PLEKHA8: variants seen among roughly 807,000 people sequenced by gnomAD.
PLEKHA8 encodes the protein pleckstrin homology domain containing A8, also known as pleckstrin homology domain-containing family A member 8.
PLEKHA8 carries 36 observed loss-of-function variants against 68.2 expected under a neutral mutation model. The ratio of observed to expected loss-of-function variants is 0.53; its 90% CI spans 0.40 to 0.70. PLEKHA8 has a LOEUF of 0.70. PLEKHA8 is among the 30% of genes least tolerant of loss of function. The pLI, the probability that PLEKHA8 is intolerant of heterozygous loss-of-function variation, is 0.00. For synonymous variants in PLEKHA8, 211 were observed against 216.1 expected (o/e 0.98, Z 0.20); for missense variants, 505 against 615.4 (o/e 0.82, Z 1.90).
intron 13 of PLEKHA8, among the ~76,000 whole-genome samples, chr7:30,109,096 G>A (rs1165656243): frequency 3.9e-5 from 6 of 152,244 alleles, no homozygotes; most frequent in East Asian, 1.9e-4. Flanking sequence ...TTTATATACC[G>A]TTAGTCATCT....
intron 13 of PLEKHA8, among the ~76,000 whole-genome samples, chr7:30,115,633 C>A (rs1055145120): frequency 6.6e-6 from 1 of 151,496 alleles, no homozygotes; most frequent in Non-Finnish European, 1.5e-5. Context: ...TACATGTACA[C>A]ATACATGCAC....
At position 30,082,266 on chromosome 7, in the gene PLEKHA8, C is replaced by T. The variant is rs576185639; in HGVS notation, c.*3479C>T. 1 of 985,358 alleles carries T rather than the reference C, an allele frequency of 1.0e-6. No individual in the cohort carries two copies. The highest frequency in any genetic ancestry group is 1.7e-5 in the African/African-American group (1 of 57,230). 61.0% of individuals were successfully genotyped at this position (985,358 alleles called of 1,614,324 possible). A position where few individuals can be genotyped will look rare whatever the true frequency, so the allele number is the denominator to read the frequency against. The stretch of plus-strand genomic sequence containing the variant: ...TCCATAGTCCAGCGTTGTTGCTTTT[C>T]TCTCTTCTTTGCTACTGAAAATTGC... On this transcript the variant is annotated 3_prime_UTR_variant, in exon 14 of 14. Coordinates refer to ENST00000449726, the MANE Select transcript of PLEKHA8 (RefSeq NM_001197026.2).
chr7:30,036,114 G>A (rs751421736), intron 1 of PLEKHA8, among the ~76,000 whole-genome samples: 17 of 151,968 alleles, frequency 1.1e-4, no homozygotes, highest in Non-Finnish European at 2.2e-4. Flanking sequence ...AAATTAGCTG[G>A]GCGTGATGGC....
intron 9 of PLEKHA8, among the ~76,000 whole-genome samples, chr7:30,057,578 C>T (rs979212357): frequency 6.6e-6 from 1 of 152,008 alleles, no homozygotes; most frequent in Non-Finnish European, 1.5e-5. Flanking sequence ...CTGCCCCAGC[C>T]TCCCAAGTAG....
chr7:30,117,905 G>T (rs1796618419), intron 13 of PLEKHA8: 3 of 1,115,310 alleles, frequency 2.7e-6, no homozygotes, highest in South Asian at 2.8e-5. Flanking sequence ...AGATTGCCAA[G>T]ACTTTATTCA....
At chr7:30,062,780 A>T in intron 12 of PLEKHA8, 38 bp downstream of exon 12, 1 of 1,514,758 alleles carries the variant, frequency 6.6e-7, no homozygotes, top group Non-Finnish European at 9.2e-7. Flanking sequence ...GAGTCAATAG[A>T]CTGTGGAATG....
At chr7:30,091,014 A>T (rs910992747), downstream of PLEKHA8, among the ~76,000 whole-genome samples, 62 of 152,254 alleles carry the variant, frequency 4.1e-4, 1 homozygote, top group African/African-American at 1.3e-3. Context: ...ATCTTTAAAA[A>T]TTAGCCAGGC....
At chr7:30,110,524 G>A (rs771440651) in intron 13 of PLEKHA8, among the ~76,000 whole-genome samples, 3 of 152,096 alleles carry the variant, frequency 2.0e-5, no homozygotes, top group Non-Finnish European at 4.4e-5. Flanking sequence ...ATTTCTCTTG[G>A]TATGTACCTA....
downstream of PLEKHA8, among the ~76,000 whole-genome samples, chr7:30,087,897 G>GT (rs1444216358): frequency 6.6e-6 from 1 of 152,192 alleles, no homozygotes; most frequent in Non-Finnish European, 1.5e-5. Flanking sequence ...TGACTCCAAG[G>GT]TAACTGGACT....
At chr7:30,070,430 G>A (rs1395171088) in intron 12 of PLEKHA8, among the ~76,000 whole-genome samples, 2 of 152,018 alleles carry the variant, frequency 1.3e-5, no homozygotes, top group Non-Finnish European at 2.9e-5. Context: ...TCTTTTTGCT[G>A]TCTTTTAGAA....
At chr7:30,054,410 A>C (rs1583818930) in intron 7 of PLEKHA8, among the ~76,000 whole-genome samples, 1 of 152,200 alleles carries the variant, frequency 6.6e-6, no homozygotes, top group South Asian at 2.1e-4. Flanking sequence ...GAAGCTACCT[A>C]AGTGCCCCTC....
intron 3 of PLEKHA8, among the ~76,000 whole-genome samples, 187 bp downstream of exon 3, chr7:30,046,552 C>T (rs1200010032): frequency 1.3e-5 from 2 of 152,190 alleles, no homozygotes; most frequent in Non-Finnish European, 2.9e-5. Context: ...TAGCATAGTG[C>T]AAAGAATGCA....
chr7:30,058,770 T>G (rs1458334279), intron 9 of PLEKHA8, among the ~76,000 whole-genome samples: 6 of 152,232 alleles, frequency 3.9e-5, no homozygotes, highest in Admixed American at 3.9e-4. Flanking sequence ...TTAAAAGCTT[T>G]TTAGGATTTT....
rs1562539183 is a variant in PLEKHA8, at chr7:30,082,777, G to A, written c.*3990G>A. 4 of 984,984 alleles carry A rather than the reference G, an allele frequency of 4.1e-6. No individual in the cohort carries two copies. The highest frequency in any genetic ancestry group is 4.8e-6 in the Non-Finnish European group (4 of 829,768). 61.0% of individuals were successfully genotyped at this position (984,984 alleles called of 1,614,324 possible). A position where few individuals can be genotyped will look rare whatever the true frequency, so the allele number is the denominator to read the frequency against. On this transcript the variant is annotated 3_prime_UTR_variant, in exon 14 of 14. Transcript: ENST00000449726. The stretch of plus-strand genomic sequence containing the variant: ...TTTTTTAAGGAAACTTAATCTGATT[G>A]TGAAAATCATACATATGGAGAAACA...
chr7:30,034,876 TTTTTC>T (rs973270287), intron 1 of PLEKHA8, among the ~76,000 whole-genome samples: 12 of 152,204 alleles, frequency 7.9e-5, no homozygotes, highest in African/African-American at 1.9e-4. Context: ...ATTTATCAAT[TTTTTC>T]TTTTCTTGTT....
chr7:30,112,324 A>G (rs924835035), intron 13 of PLEKHA8, among the ~76,000 whole-genome samples: 2 of 152,302 alleles, frequency 1.3e-5, no homozygotes, highest in East Asian at 3.9e-4. Flanking sequence ...AAAAAAGTCA[A>G]GATTTTCTGA....
At chr7:30,042,814 T>C (rs1276978808) in intron 1 of PLEKHA8, among the ~76,000 whole-genome samples, 1 of 152,170 alleles carries the variant, frequency 6.6e-6, no homozygotes, top group Non-Finnish European at 1.5e-5. Flanking sequence ...GCCTAAGATA[T>C]AAATAAACAC....
chr7:30,075,056 C>G (rs1414845756), intron 13 of PLEKHA8: 1 of 152,150 alleles, frequency 6.6e-6, no homozygotes, highest in African/African-American at 2.4e-5. Flanking sequence ...AGAATGTACT[C>G]ACATTCTTTG....
chr7:30,081,548 T>G lies in PLEKHA8; in HGVS notation c.*2761T>G, dbSNP rs1453201976. 3 of 984,888 alleles carry G rather than the reference T, an allele frequency of 3.0e-6. No individual in the cohort carries two copies. The highest frequency in any genetic ancestry group is 6.2e-5 in the Admixed American group (1 of 16,248). 61.0% of individuals were successfully genotyped at this position (984,888 alleles called of 1,614,324 possible). A position where few individuals can be genotyped will look rare whatever the true frequency, so the allele number is the denominator to read the frequency against. Reference sequence around the variant, plus strand: ...GCAATGAGAAAAGATATTTAAAGCTTTCTCTCCATAGCCCTCCAAGACTTC... The same window carrying G: ...GCAATGAGAAAAGATATTTAAAGCTGTCTCTCCATAGCCCTCCAAGACTTC... On this transcript the variant is annotated 3_prime_UTR_variant, in exon 14 of 14. Transcript: ENST00000449726.
Sources: allele counts gnomAD v4.1 joint callset (sites outside exome capture counted in the v4.1 genomes callset), GRCh38; gene constraint gnomAD v4.1.1; transcripts MANE v1.5; gene names NCBI Gene and HGNC (gene_info 2026-07-23, HGNC 2026-07-21).